COX7B2: variants seen among roughly 807,000 people sequenced by gnomAD.
COX7B2 encodes cytochrome c oxidase subunit 7B2, mitochondrial.
For missense variants in COX7B2, 109 were observed against 95.9 expected, an observed-to-expected ratio of 1.14 and a Z score of -0.57; for synonymous variants, 37 against 32.1, an observed-to-expected ratio of 1.15 and a Z score of -0.51.
intron 1 of COX7B2, among the ~76,000 whole-genome samples, chr4:46,876,094 G>A (rs1285068721): frequency 5.9e-5 from 9 of 152,014 alleles, no homozygotes; most frequent in Non-Finnish European, 1.5e-5. Flanking sequence ...CTTTGTCAGT[G>A]CTGGAAACAC....
chr4:46,738,502 G>A (rs1358656254), intron 2 of COX7B2, among the ~76,000 whole-genome samples: 1 of 151,926 alleles, frequency 6.6e-6, no homozygotes, highest in African/African-American at 2.4e-5. Flanking sequence ...GTCGGCATCA[G>A]CTACATCCGT....
chr4:46,787,222 C>A (rs1433007699), intron 2 of COX7B2, among the ~76,000 whole-genome samples: 4 of 152,084 alleles, frequency 2.6e-5, no homozygotes. Context: ...TCGAGGCGGG[C>A]AGATCACCTA....
intron 2 of COX7B2, among the ~76,000 whole-genome samples, chr4:46,780,154 T>C (rs546147517): frequency 6.6e-6 from 1 of 152,314 alleles, no homozygotes; most frequent in Admixed American, 6.5e-5. Flanking sequence ...CAGGGTTACA[T>C]GGTTGGAATA....
chr4:46,884,243 T>C (rs909187079), intron 1 of COX7B2, among the ~76,000 whole-genome samples: 9 of 151,964 alleles, frequency 5.9e-5, no homozygotes, highest in Non-Finnish European at 1.2e-4. Flanking sequence ...CAGGCTGGAG[T>C]GCAGTGGCAC....
At chr4:46,831,123 C>T (rs966484290) in intron 2 of COX7B2, among the ~76,000 whole-genome samples, 2 of 152,128 alleles carry the variant, frequency 1.3e-5, no homozygotes, top group Non-Finnish European at 2.9e-5. Context: ...TGGTGGGCCC[C>T]GCATTGGGAG....
chr4:46,772,299 G>A (rs575823934), intron 2 of COX7B2, among the ~76,000 whole-genome samples: 1 of 152,226 alleles, frequency 6.6e-6, no homozygotes, highest in African/African-American at 2.4e-5. Context: ...GGGTGTGGGG[G>A]AAATGGGGAG....
At chr4:46,828,344 C>G (rs1714833827) in intron 2 of COX7B2, among the ~76,000 whole-genome samples, 1 of 151,964 alleles carries the variant, frequency 6.6e-6, no homozygotes, top group East Asian at 1.9e-4. Context: ...GCTCATATTC[C>G]CTACTAAAGA....
chr4:46,880,993 T>TAAAAAAAAAAA (rs1215385422), intron 1 of COX7B2, among the ~76,000 whole-genome samples: 4,704 of 101,426 alleles, frequency 0.046, 170 homozygotes, highest in Non-Finnish European at 0.068. Context: ...TAGAGTATAA[T>TAAAAAAAAAAA]AAAAAAAAAA....
intron 2 of COX7B2, among the ~76,000 whole-genome samples, chr4:46,746,991 TA>T (rs1217851601): frequency 1.3e-5 from 2 of 152,060 alleles, no homozygotes; most frequent in African/African-American, 4.8e-5. Context: ...CAAAAAGTAA[TA>T]AAAAATATGA....
chr4:46,903,316 T>A (rs1360475977), intron 1 of COX7B2, among the ~76,000 whole-genome samples: 1 of 152,192 alleles, frequency 6.6e-6, no homozygotes. Context: ...GCATTCTTAA[T>A]ACTTGGAATG....
intron 1 of COX7B2, among the ~76,000 whole-genome samples, chr4:46,872,390 G>A (rs888052414): frequency 6.6e-6 from 1 of 152,082 alleles, no homozygotes; most frequent in Non-Finnish European, 1.5e-5. Flanking sequence ...TAATTCCTGG[G>A]TGATGAAGTA....
At chr4:46,745,427 A>G (rs1398878626) in intron 2 of COX7B2, among the ~76,000 whole-genome samples, 1 of 152,264 alleles carries the variant, frequency 6.6e-6, no homozygotes, top group Admixed American at 6.5e-5. Flanking sequence ...CTGTTTTACT[A>G]GGCCAGTGCT....
intron 2 of COX7B2, among the ~76,000 whole-genome samples, chr4:46,839,942 A>G (rs777128891): frequency 1.3e-5 from 2 of 152,066 alleles, no homozygotes; most frequent in African/African-American, 2.4e-5. Flanking sequence ...ATTTATTTTA[A>G]CTGTAATACT....
chr4:46,790,601 C>T (rs932456185), intron 2 of COX7B2, among the ~76,000 whole-genome samples: 2 of 152,136 alleles, frequency 1.3e-5, no homozygotes, highest in Non-Finnish European at 2.9e-5. Context: ...GTATTTTTTA[C>T]TTTTAGTATT....
At chr4:46,908,838 G>C (rs1291745306) in intron 1 of COX7B2, among the ~76,000 whole-genome samples, 1 of 151,392 alleles carries the variant, frequency 6.6e-6, no homozygotes, top group Non-Finnish European at 1.5e-5. Flanking sequence ...TCAGGAGATC[G>C]AGACCATCCT....
chr4:46,888,474 TG>T (rs1434584355), intron 1 of COX7B2, among the ~76,000 whole-genome samples: 1 of 151,872 alleles, frequency 6.6e-6, no homozygotes, highest in African/African-American at 2.4e-5. Flanking sequence ...GACGGAGTCT[TG>T]ATCTGTTGCC....
intron 2 of COX7B2, among the ~76,000 whole-genome samples, chr4:46,791,274 GC>G (rs1718032963): frequency 1.3e-5 from 2 of 151,876 alleles, no homozygotes; most frequent in Admixed American, 6.6e-5. Context: ...CTCCCAAAGT[GC>G]TGGGATTACA....
At position 46,749,831 on chromosome 4, in the gene COX7B2, T is replaced by C. The variant is rs536223337; in HGVS notation, c.-49-14590A>G. On this transcript the variant is annotated intron_variant, in intron 2 of 2. Coordinates refer to ENST00000355591, the MANE Select transcript of COX7B2 (RefSeq NM_130902.3). Reference sequence around the variant, plus strand: ...TATGAGAATCTGCCAAGTATAGCACTCTAACACACTGGGAATAATAATTCA... The same window carrying C: ...TATGAGAATCTGCCAAGTATAGCACCCTAACACACTGGGAATAATAATTCA... Among the ~76,000 whole-genome samples the C allele has an allele frequency of 1.8e-4, 28 of 152,318 alleles. 1 individual carries two copies. Among genetic ancestry groups the C allele is most frequent in the African/African-American group, 6.0e-4 (25 of 41,580 alleles).
At chr4:46,780,036 G>A (rs1717359440) in intron 2 of COX7B2, among the ~76,000 whole-genome samples, 1 of 152,098 alleles carries the variant, frequency 6.6e-6, no homozygotes. Context: ...CTATGGATAT[G>A]CATATCAAAC....
Sources: allele counts gnomAD v4.1 joint callset (sites outside exome capture counted in the v4.1 genomes callset), GRCh38; gene constraint gnomAD v4.1.1; transcripts MANE v1.5; gene names NCBI Gene and HGNC (gene_info 2026-07-23, HGNC 2026-07-21).